CFAP410: variants seen among roughly 807,000 people sequenced by gnomAD.
CFAP410 encodes the protein cilia- and flagella-associated protein 410.
CFAP410 carries 27 observed loss-of-function variants against 25.7 expected under a neutral mutation model. The observed-to-expected ratio is 1.05, with a 90% CI of 0.77 to 1.45. The LOEUF (loss-of-function observed/expected upper bound fraction) is 1.45, where lower values mean the gene tolerates loss of function less well. CFAP410 is among the 40% of genes most tolerant of loss of function. The probability of loss-of-function intolerance (pLI) is 0.00; values close to 1 mark genes in which losing one functional copy is unlikely to be tolerated. For missense variants in CFAP410, 428 were observed against 354.1 expected (o/e 1.21, Z -1.67); for synonymous variants, 178 against 158.4 (o/e 1.12, Z -0.93).
chr21:44,331,485 C>A (rs745991390), intron 5 of CFAP410: 1 of 314,204 alleles, frequency 3.2e-6, no homozygotes, highest in South Asian at 4.1e-5. Flanking sequence ...GATGGCCGTG[C>A]CCACAAACCA....
At chr21:44,338,507 ACGGCCG>A in intron 1 of CFAP410, 1 of 358,860 alleles carries the variant, frequency 2.8e-6, no homozygotes, top group Non-Finnish European at 5.7e-6. Context: ...TACCCTGGGA[ACGGCCG>A]CCCCCAGTAC....
chr21:44,337,589 T>C (rs923455046), intron 2 of CFAP410, 60 bp downstream of exon 2: 3 of 1,479,264 alleles, frequency 2.0e-6, no homozygotes, highest in Non-Finnish European at 1.9e-6. Flanking sequence ...CTACAACATT[T>C]GGGTTGAGGC....
intron 4 of CFAP410, chr21:44,332,761 C>T (rs2047675721): frequency 1.9e-6 from 1 of 529,828 alleles, no homozygotes; most frequent in Non-Finnish European, 3.4e-6. Flanking sequence ...AGAAGGAACC[C>T]TTTTGCTTTG....
At chr21:44,330,687 G>A (rs1228127837) in intron 6 of CFAP410, 136 bp downstream of exon 6, 8 of 1,547,364 alleles carry the variant, frequency 5.2e-6, no homozygotes, top group Non-Finnish European at 7.0e-6. Context: ...CTGGGGCACA[G>A]CTCTTCAAGG....
chr21:44,338,260 G>A (rs2047791086), intron 1 of CFAP410: 34 of 1,282,478 alleles, frequency 2.7e-5, no homozygotes, highest in Non-Finnish European at 3.5e-5. Context: ...ACACCCCTGG[G>A]AGGAAGCGTC....
chr21:44,335,115 G>T (rs762967919), intron 3 of CFAP410: 2 of 153,512 alleles, frequency 1.3e-5, no homozygotes, highest in African/African-American at 2.4e-5. Flanking sequence ...GGGCAGTGGT[G>T]AGCCATGAGC....
rs1354988298 is a variant in CFAP410, at chr21:44,338,345, A to G, written c.78-678T>C. ...GGCGCGGTCACTCTGCTGAGTCCCC[A>G]GGGAACCCTGGAGATCTTGCAGGCC... On this transcript the variant is annotated intron_variant, in intron 1 of 6. Coordinates refer to ENST00000339818, the MANE Select transcript of CFAP410 (RefSeq NM_004928.3). 6.2e-6 allele frequency: 8 copies of G among 1,286,892 alleles called. No homozygotes were observed. The Admixed American group carries it at 1.4e-4, about 22-fold the overall frequency. 79.7% of individuals were successfully genotyped at this position (1,286,892 alleles called of 1,614,324 possible).
chr21:44,333,421 G>T, intron 3 of CFAP410, 159 bp from the exon 4 acceptor site: 1 of 634,732 alleles, frequency 1.6e-6, no homozygotes, highest in East Asian at 2.7e-5. Flanking sequence ...AGCAGGACCT[G>T]GGCCGAGGAG....
In CFAP410 at chr21:44,330,322, A is replaced by C. The variant is rs1293964769; in HGVS notation, c.647T>G (p.Val216Gly). ...DASSSHRGRN[V>G]LTAILLLLRE... is the part of the protein sequence containing the mutation. ...CAGCAGCAGCAGGATGGCAGTCAGGACGTTCTGAGGGCAGAGGGGTGCGGA... is the reference window on the plus strand; with the variant it reads ...CAGCAGCAGCAGGATGGCAGTCAGGCCGTTCTGAGGGCAGAGGGGTGCGGA... The change falls in exon 7 of 7, where the codon GTC (valine) becomes GGC (glycine). Residue 216 changes from valine to glycine, a missense_variant. Physicochemically the swap from Val to Gly is moderately radical, Grantham distance 109. Coordinates refer to ENST00000339818, the MANE Select transcript of CFAP410 (RefSeq NM_004928.3). 1 of 1,610,164 alleles carries C rather than the reference A, an allele frequency of 6.2e-7. No homozygotes were observed. The highest frequency in any genetic ancestry group is 1.3e-5 in the African/African-American group (1 of 74,906).
At chr21:44,332,347 T>C (rs2047665980) in intron 4 of CFAP410, 2 of 266,736 alleles carry the variant, frequency 7.5e-6, no homozygotes, top group Non-Finnish European at 1.4e-5. Flanking sequence ...TTCTCTCATA[T>C]ATCAATTTCC....
Position 44,330,922 on chromosome 21 carries a change from G to A in CFAP410, c.546-3C>T, listed in dbSNP as rs756182350. 5 of 1,585,318 alleles carry A rather than the reference G, an allele frequency of 3.2e-6. No homozygotes were observed. Among genetic ancestry groups the A allele is most frequent in the Non-Finnish European group, 2.6e-6 (3 of 1,162,520 alleles). On this transcript the variant is annotated splice_region_variant and splice_polypyrimidine_tract_variant and intron_variant, in intron 5 of 6. Coordinates refer to ENST00000339818, the MANE Select transcript of CFAP410 (RefSeq NM_004928.3). ...CACGTTCATCCTGGGCGCCGCTGCTGAGAGGGAGACAAAGGCGTGTGAGGG... is the reference window on the plus strand; with the variant it reads ...CACGTTCATCCTGGGCGCCGCTGCTAAGAGGGAGACAAAGGCGTGTGAGGG...
chr21:44,335,463 C>T (rs1478819135), intron 3 of CFAP410: 1 of 482,316 alleles, frequency 2.1e-6, no homozygotes, highest in Non-Finnish European at 3.7e-6. Context: ...CCAGTGAACA[C>T]AGCAATGGCT....
chr21:44,337,670 G>A lies in CFAP410; in HGVS notation c.78-3C>T. 1 of 1,611,778 alleles carries A rather than the reference G, an allele frequency of 6.2e-7. No homozygotes were observed. ...TTACATCTGTGAGGCGGCTGCCCCT[G>A]GGGAGAGAAAAGATACATACTTTAA... On this transcript the variant is annotated splice_region_variant and splice_polypyrimidine_tract_variant and intron_variant, in intron 1 of 6. Transcript: ENST00000339818.
At position 44,329,992 on chromosome 21, in the gene CFAP410, G is replaced by A; in HGVS notation, c.*206C>T. ...TCCAGACCACAGAAGGGGAGTCCTG[G>A]GGACAGGACTGGTGTAGACAGGCAT... On this transcript the variant is annotated 3_prime_UTR_variant, in exon 7 of 7. Transcript: ENST00000339818. 3.4e-6 allele frequency: 2 copies of A among 582,186 alleles called. No individual in the cohort carries two copies. The highest frequency in any genetic ancestry group is 6.4e-5 in the Admixed American group (2 of 31,126). The allele number at this position is 582,186 out of a possible 1,614,324, so 36.1% of individuals were successfully genotyped here.
intron 3 of CFAP410, chr21:44,335,106 G>A (rs1910204441): frequency 6.5e-6 from 1 of 153,458 alleles, no homozygotes; most frequent in Non-Finnish European, 1.4e-5. Context: ...GCGTCTGGTG[G>A]GCAGTGGTGA....
rs1281630858 is a variant in CFAP410 at position 44,330,251 on chromosome 21, CCA to C, written c.716_717del (p.Val239GlyfsTer70). 1.9e-6 allele frequency: 3 copies of C among 1,599,372 alleles called. No individual in the cohort carries two copies. Among genetic ancestry groups the C allele is most frequent in the Non-Finnish European group, 2.6e-6 (3 of 1,174,942 alleles). On this transcript the variant is annotated frameshift_variant, in exon 7 of 7. Coordinates refer to ENST00000339818, the MANE Select transcript of CFAP410 (RefSeq NM_004928.3). LOFTEE classifies it high-confidence loss of function. ...AEGLEAVQQT[V>X]GSRLQALRGE... is the part of the protein sequence containing the mutation. ...CCACGCAGGGCCTGCAGCCGGCTGC[CCA>C]CAGTCTGCTGCACGGCCTCCAGCCC...
intron 1 of CFAP410, 55 bp from the exon 2 acceptor site, chr21:44,337,722 T>C: frequency 1.3e-6 from 2 of 1,519,512 alleles, no homozygotes; most frequent in Non-Finnish European, 1.8e-6. Flanking sequence ...TAAAAAACAC[T>C]GAAGACAAAA....
At chr21:44,337,760 C>T (rs1471280430) in intron 1 of CFAP410, 93 bp from the exon 2 acceptor site, 8 of 1,019,206 alleles carry the variant, frequency 7.8e-6, no homozygotes, top group Non-Finnish European at 1.2e-5. Context: ...TGACTCCCTA[C>T]AAACCTTAAG....
intron 4 of CFAP410, chr21:44,332,319 A>C: frequency 3.0e-6 from 1 of 334,958 alleles, no homozygotes; most frequent in Non-Finnish European, 5.4e-6. Context: ...GGAACAGACC[A>C]TATTGAATTT....
Sources: gnomAD v4.1 joint callset for allele counts on GRCh38, gnomAD v4.1.1 for gene constraint, MANE v1.5 for transcripts, NCBI Gene and HGNC (gene_info 2026-07-23, HGNC 2026-07-21) for gene names.